The following RMC1 variants were observed in gnomAD, a reference collection of about 807,000 sequenced individuals.
RMC1 encodes the protein regulator of MON1-CCZ1 complex.
Under a neutral mutation model 95.5 loss-of-function variants are expected in RMC1, and 44 were observed. The observed-to-expected ratio is 0.46, with a 90% CI of 0.36 to 0.59. The LOEUF (loss-of-function observed/expected upper bound fraction) is 0.59. Ranked by LOEUF, RMC1 falls within the 20% of genes least tolerant of loss-of-function variation. The pLI is 0.00. For missense variants in RMC1, 705 were observed against 819.6 expected (o/e 0.86, Z 1.71); for synonymous variants, 320 against 303.6 (o/e 1.05, Z -0.56).
chr18:23,530,954 CTTA>C (rs567026869), intron 19 of RMC1, among the ~76,000 whole-genome samples: 35 of 152,116 alleles, frequency 2.3e-4, no homozygotes, highest in African/African-American at 8.4e-4. Flanking sequence ...GGGTCTGGGG[CTTA>C]TTAAGGTTTC....
At chr18:23,516,053 TAGCATCCTA>T (rs1567920304) in intron 6 of RMC1, 57 bp downstream of exon 6, 2 of 1,610,334 alleles carry the variant, frequency 1.2e-6, no homozygotes, top group Non-Finnish European at 1.7e-6. Flanking sequence ...CCTGTTCCTG[TAGCATCCTA>T]ATGTGTCAGG....
At chr18:23,517,874 C>T (rs898509565) in intron 7 of RMC1, among the ~76,000 whole-genome samples, 1 of 152,130 alleles carries the variant, frequency 6.6e-6, no homozygotes, top group African/African-American at 2.4e-5. Context: ...CATGCCACCA[C>T]ATCTGGATAA....
Position 23,503,675 on chromosome 18 carries a change from G to A in RMC1, c.57G>A (p.Lys19=), listed in dbSNP as rs758230015. The A allele has an allele frequency of 1.3e-6, 2 of 1,594,072 alleles. No homozygotes were observed. The highest frequency in any genetic ancestry group is 2.2e-5 in the South Asian group (2 of 89,554). The change falls in exon 1 of 20, where the codon AAG becomes AAA. Residue 19 remains lysine, a synonymous_variant. Transcript: ENST00000269221. The stretch of plus-strand genomic sequence containing the variant: ...GCGAGCGGCCGGTGCAGTTCGAGAA[G>A]GCGAACCCTGTCAACTGCGTCTTCT... ...ELCERPVQFE[K]ANPVNCVFFD... is the part of the protein sequence containing the mutation.
rs1308446432 is a variant in RMC1, at chr18:23,529,211, GCTC to G, written c.1333_1335del (p.Leu445del). 12 of 1,613,688 alleles carry G rather than the reference GCTC, an allele frequency of 7.4e-6. No individual in the cohort carries two copies. The highest frequency in any genetic ancestry group is 2.7e-5 in the African/African-American group (2 of 74,886). ...AAGCAGGGCAGAGCCGAAGCAGCCC[GCTC>G]CTCAAGAGGCCGGTGCGGACCCAGG... On this transcript the variant is annotated inframe_deletion, in exon 15 of 20. Transcript: ENST00000269221.
intron 7 of RMC1, among the ~76,000 whole-genome samples, chr18:23,517,644 TTTATGGTAG>T (rs1261665826): frequency 6.6e-6 from 1 of 152,170 alleles, no homozygotes; most frequent in Non-Finnish European, 1.5e-5. Context: ...ACTTTCAAAC[TTTATGGTAG>T]TTAGTATAAT....
chr18:23,520,181 T>C, intron 9 of RMC1, 21 bp from the exon 10 acceptor site: 1 of 1,590,406 alleles, frequency 6.3e-7, no homozygotes, highest in Non-Finnish European at 8.6e-7. Flanking sequence ...TTGGCCTCAG[T>C]CTTGTCTTTT....
chr18:23,521,164 T>C (rs1482347881), intron 10 of RMC1, among the ~76,000 whole-genome samples: 1 of 152,204 alleles, frequency 6.6e-6, no homozygotes, highest in Non-Finnish European at 1.5e-5. Context: ...CTGTTCTAGT[T>C]TTTTAAAAAA....
chr18:23,505,309 G>A (rs1417574520), intron 2 of RMC1, among the ~76,000 whole-genome samples: 3 of 152,116 alleles, frequency 2.0e-5, no homozygotes, highest in African/African-American at 7.2e-5. Flanking sequence ...CGATCCGCCC[G>A]CCTCAGACTC....
intron 13 of RMC1, among the ~76,000 whole-genome samples, chr18:23,526,992 A>C (rs191519409): frequency 1.9e-4 from 29 of 152,296 alleles, no homozygotes; most frequent in African/African-American, 7.0e-4. Flanking sequence ...TCTGAATGAA[A>C]GTGGGCACAC....
At chr18:23,524,336 C>T in intron 11 of RMC1, 93 bp from the exon 12 acceptor site, 1 of 1,510,122 alleles carries the variant, frequency 6.6e-7, no homozygotes. Flanking sequence ...AGCGTGGACT[C>T]AGTACATGGT....
chr18:23,506,818 A>G (rs2057728432), intron 2 of RMC1, 152 bp from the exon 3 acceptor site: 2 of 573,088 alleles, frequency 3.5e-6, no homozygotes, highest in Non-Finnish European at 6.3e-6. Context: ...TAGTTTGAAA[A>G]GAGGTCCTAC....
At chr18:23,522,463 CATT>C (rs1402566955) in intron 10 of RMC1, 3 of 151,994 alleles carry the variant, frequency 2.0e-5, no homozygotes, top group East Asian at 1.9e-4. Flanking sequence ...TTTCTTAAAA[CATT>C]ATGAGATTTT....
At chr18:23,524,941 C>CTTTTTTT (rs5823396) in intron 12 of RMC1, among the ~76,000 whole-genome samples, 29 of 69,208 alleles carry the variant, frequency 4.2e-4, no homozygotes, top group East Asian at 1.0e-3. Flanking sequence ...TTAGAGAAAT[C>CTTTTTTT]TTTTTTTTTT....
At chr18:23,531,547 A>G (rs1028425824) in intron 19 of RMC1, 78 bp from the exon 20 acceptor site, 2 of 1,570,970 alleles carry the variant, frequency 1.3e-6, no homozygotes, top group African/African-American at 1.4e-5. Context: ...AAAACCCAGT[A>G]GACACACCTA....
chr18:23,526,842 G>A (rs1175969654), intron 13 of RMC1, 77 bp downstream of exon 13: 2 of 1,549,090 alleles, frequency 1.3e-6, no homozygotes, highest in Non-Finnish European at 1.7e-6. Context: ...CGGGATGTGG[G>A]CTACATTGTT....
chr18:23,529,078 C>T, intron 14 of RMC1, 101 bp from the exon 15 acceptor site: 1 of 1,507,132 alleles, frequency 6.6e-7, no homozygotes, highest in African/African-American at 1.4e-5. Context: ...CCGCTCATAT[C>T]CTGGGTCCAC....
At chr18:23,524,956 T>C (rs1238481989) in intron 12 of RMC1, among the ~76,000 whole-genome samples, 1 of 144,946 alleles carries the variant, frequency 6.9e-6, no homozygotes, top group Non-Finnish European at 1.5e-5. Context: ...TTTTTTTTTT[T>C]TTTTTTTTTG....
chr18:23,503,527 C>T lies in RMC1; in HGVS notation c.-92C>T. On this transcript the variant is annotated 5_prime_UTR_variant, in exon 1 of 20. Transcript: ENST00000269221. Reference sequence around the variant, plus strand: ...GCCGGGCCCAGAGCCGCAGCCGCAGCCGCCGCTACAGTCCGGGCCGGGCTC... The same window carrying T: ...GCCGGGCCCAGAGCCGCAGCCGCAGTCGCCGCTACAGTCCGGGCCGGGCTC... 1 of 835,654 alleles carries T rather than the reference C, an allele frequency of 1.2e-6. No homozygotes were observed. Among genetic ancestry groups the T allele is most frequent in the Non-Finnish European group, 1.6e-6 (1 of 613,622 alleles). 51.8% of individuals were successfully genotyped at this position (835,654 alleles called of 1,614,324 possible). A position where few individuals can be genotyped will look rare whatever the true frequency, so the allele number is the denominator to read the frequency against.
rs922750406 is a variant in RMC1 at position 23,503,528 on chromosome 18, C to T, written c.-91C>T. ...CCGGGCCCAGAGCCGCAGCCGCAGCCGCCGCTACAGTCCGGGCCGGGCTCC... is the reference window on the plus strand; with the variant it reads ...CCGGGCCCAGAGCCGCAGCCGCAGCTGCCGCTACAGTCCGGGCCGGGCTCC... On this transcript the variant is annotated 5_prime_UTR_variant, in exon 1 of 20. Coordinates refer to ENST00000269221, the MANE Select transcript of RMC1 (RefSeq NM_013326.5). The T allele has an allele frequency of 9.8e-5, 83 of 850,370 alleles. No individual in the cohort carries two copies. The highest frequency in any genetic ancestry group is 1.2e-4 in the Non-Finnish European group (77 of 624,690). The allele number at this position is 850,370 out of a possible 1,614,324, so 52.7% of individuals were successfully genotyped here. A position where few individuals can be genotyped will look rare whatever the true frequency, so the allele number is the denominator to read the frequency against.
Sources: gnomAD v4.1 joint callset for allele counts (sites outside exome capture counted in the v4.1 genomes callset) on GRCh38, gnomAD v4.1.1 for gene constraint, MANE v1.5 for transcripts, NCBI Gene and HGNC (gene_info 2026-07-23, HGNC 2026-07-21) for gene names.